Variants in NEK11 observed in about 807,000 individuals in gnomAD.
NEK11 encodes the protein serine/threonine-protein kinase Nek11.
NEK11 carries 72 observed loss-of-function variants against 80.7 expected under a neutral mutation model. That is an observed-to-expected ratio of 0.89 (90% CI 0.74 to 1.08). The LOEUF is 1.08. Among genes scored for constraint, NEK11 ranks in the 50% least tolerant of loss-of-function variants. The pLI, the probability that NEK11 is intolerant of heterozygous loss-of-function variation, is 0.00. For missense variants in NEK11, 764 were observed against 763.6 expected (o/e 1.00, Z -0.01); for synonymous variants, 251 against 260.7 (o/e 0.96, Z 0.36).
chr3:131,134,610 G>A (rs977888328), intron 7 of NEK11, among the ~76,000 whole-genome samples: 12 of 151,596 alleles, frequency 7.9e-5, no homozygotes, highest in Non-Finnish European at 1.3e-4. Context: ...TGTGTTAGCC[G>A]GAATGGTCTC....
chr3:131,212,983 C>T (rs2094686653), intron 14 of NEK11, among the ~76,000 whole-genome samples: 2 of 152,134 alleles, frequency 1.3e-5, no homozygotes, highest in Admixed American at 1.3e-4. Flanking sequence ...CAGTTGAAAG[C>T]TTTAAGAGAA....
chr3:131,207,932 CG>C (rs1231593253), intron 14 of NEK11, among the ~76,000 whole-genome samples: 1 of 152,000 alleles, frequency 6.6e-6, no homozygotes, highest in African/African-American at 2.4e-5. Context: ...TCACTCTGAT[CG>C]TGGTTTCTTT....
At chr3:131,315,211 TC>T (rs146188364) in intron 17 of NEK11, among the ~76,000 whole-genome samples, 5,872 of 152,324 alleles carry the variant, frequency 0.039, 182 homozygotes, top group Non-Finnish European at 0.059. Flanking sequence ...GTATATTACA[TC>T]TTTAGACTAT....
chr3:131,050,716 T>G (rs2110007444), intron 3 of NEK11, among the ~76,000 whole-genome samples: 1 of 152,322 alleles, frequency 6.6e-6, no homozygotes, highest in South Asian at 2.1e-4. Flanking sequence ...ATAGAAAGCA[T>G]TTTAGTAAAA....
intron 4 of NEK11, among the ~76,000 whole-genome samples, chr3:131,103,672 G>A (rs915429951): frequency 1.3e-5 from 2 of 152,134 alleles, no homozygotes; most frequent in Non-Finnish European, 2.9e-5. Context: ...AGATGTTTGG[G>A]CTGCAGGGTT....
intron 17 of NEK11, among the ~76,000 whole-genome samples, chr3:131,320,434 AC>A (rs1247409856): frequency 1.3e-5 from 2 of 152,124 alleles, no homozygotes; most frequent in Non-Finnish European, 2.9e-5. Context: ...AAGACATAGA[AC>A]AGTAGACTAA....
At chr3:131,149,559 G>C (rs1247265024) in intron 7 of NEK11, among the ~76,000 whole-genome samples, 1 of 151,976 alleles carries the variant, frequency 6.6e-6, no homozygotes, top group East Asian at 1.9e-4. Context: ...AATTATCTCT[G>C]TTTAATAGAT....
intron 14 of NEK11, among the ~76,000 whole-genome samples, chr3:131,186,484 C>T (rs867504512): frequency 4.6e-5 from 7 of 152,126 alleles, no homozygotes; most frequent in Admixed American, 6.6e-5. Flanking sequence ...ACCTAATTCA[C>T]GCCAAGGAAG....
chr3:131,095,041 G>A (rs558938352), intron 4 of NEK11, among the ~76,000 whole-genome samples: 1 of 152,132 alleles, frequency 6.6e-6, no homozygotes, highest in Non-Finnish European at 1.5e-5. Flanking sequence ...TTAAATACCA[G>A]TTGATTTCTC....
chr3:131,165,529 C>G lies in NEK11; in HGVS notation c.1176+10C>G. On this transcript the variant is annotated intron_variant, in intron 12 of 17. Transcript: ENST00000383366. Reference sequence around the variant, plus strand: ...TGTTGATGTACTCCATGTAAGTACCCTCTTATTTTAAATTTTACATAAAAA... The same window carrying G: ...TGTTGATGTACTCCATGTAAGTACCGTCTTATTTTAAATTTTACATAAAAA... 1 of 1,548,818 alleles carries G rather than the reference C, an allele frequency of 6.5e-7. No individual in the cohort carries two copies. The highest frequency in any genetic ancestry group is 8.8e-7 in the Non-Finnish European group (1 of 1,131,962).
intron 14 of NEK11, among the ~76,000 whole-genome samples, chr3:131,171,722 G>A (rs529541211): frequency 6.6e-6 from 1 of 152,262 alleles, no homozygotes; most frequent in South Asian, 2.1e-4. Flanking sequence ...GCTAAAGAAG[G>A]GGAAGCAGTT....
rs1036627246 is a variant in NEK11 at position 131,211,323 on chromosome 3, C to G, written c.1400-17205C>G. On this transcript the variant is annotated intron_variant, in intron 14 of 17. Transcript: ENST00000383366. ...CACTCTCTTCTGGCTTGTAGAGTTT[C>G]TGCTGAGAGATCTGCTGTTAGTCTG... Among the ~76,000 whole-genome samples, 7 of 152,284 alleles carry G rather than the reference C, an allele frequency of 4.6e-5. 1 individual carries two copies. Among genetic ancestry groups the G allele is most frequent in the Admixed American group, 4.6e-4 (7 of 15,290 alleles).
chr3:131,171,253 A>C (rs2092675147), intron 14 of NEK11, among the ~76,000 whole-genome samples: 1 of 152,214 alleles, frequency 6.6e-6, no homozygotes, highest in South Asian at 2.1e-4. Flanking sequence ...ATAAATTTAA[A>C]TTGAAGAAAT....
At chr3:131,338,816 C>T (rs2097239294) in intron 17 of NEK11, among the ~76,000 whole-genome samples, 1 of 152,132 alleles carries the variant, frequency 6.6e-6, no homozygotes, top group African/African-American at 2.4e-5. Flanking sequence ...AAAAACAGGT[C>T]AGTTATCACC....
chr3:131,276,188 TTATC>T (rs1478776989), intron 17 of NEK11, among the ~76,000 whole-genome samples: 3 of 152,202 alleles, frequency 2.0e-5, no homozygotes, highest in African/African-American at 4.8e-5. Context: ...TTCAGTTTCT[TTATC>T]TATAAAATGG....
intron 5 of NEK11, among the ~76,000 whole-genome samples, chr3:131,110,727 A>G (rs193225304): frequency 2.0e-5 from 3 of 152,170 alleles, no homozygotes; most frequent in Non-Finnish European, 4.4e-5. Context: ...GGGGTAATTT[A>G]TAAAGCACAC....
rs2077735660 is a variant in NEK11 at position 131,098,070 on chromosome 3, A to G, written c.337-11733A>G. On this transcript the variant is annotated intron_variant, in intron 4 of 17. Coordinates refer to ENST00000383366, the MANE Select transcript of NEK11 (RefSeq NM_024800.5). ...GCAATGGGGAAAGGATTCCCTATTT[A>G]ATAAATGGTTCTGGGAAAACTGGCT... 2.0e-5 allele frequency among the ~76,000 whole-genome samples: 3 copies of G among 147,440 alleles called. No homozygotes were observed. In the Admixed American group the frequency reaches 2.0e-4, roughly 10 times the overall value.
intron 3 of NEK11, among the ~76,000 whole-genome samples, chr3:131,048,542 C>G (rs1236297737): frequency 6.6e-6 from 1 of 152,204 alleles, no homozygotes; most frequent in Non-Finnish European, 1.5e-5. Context: ...AGGTCAGATC[C>G]TTCTGTGATC....
intron 4 of NEK11, among the ~76,000 whole-genome samples, chr3:131,108,997 T>G (rs1023910674): frequency 1.3e-5 from 2 of 152,118 alleles, no homozygotes; most frequent in African/African-American, 2.4e-5. Context: ...TTGGCCGACC[T>G]TTTTAAGTTT....
Sources: allele counts gnomAD v4.1 joint callset (sites outside exome capture counted in the v4.1 genomes callset), GRCh38; gene constraint gnomAD v4.1.1; transcripts MANE v1.5; gene names NCBI Gene and HGNC (gene_info 2026-07-23, HGNC 2026-07-21).